LRRC28: variants seen among roughly 807,000 people sequenced by gnomAD.
LRRC28 encodes the protein leucine rich repeat containing 28.
Under a neutral mutation model 45.7 loss-of-function variants are expected in LRRC28, and 39 were observed. The observed-to-expected ratio is 0.85, with a 90% CI of 0.66 to 1.12. LRRC28 has a LOEUF of 1.12. Among genes scored for constraint, LRRC28 ranks in the 50% most tolerant of loss-of-function variants. The pLI is 0.00. For missense variants in LRRC28, 435 were observed against 438.5 expected, an observed-to-expected ratio of 0.99 and a Z score of 0.07; for synonymous variants, 206 against 178.8, an observed-to-expected ratio of 1.15 and a Z score of -1.22.
rs2152298994 is a variant in LRRC28, at chr15:99,337,715, G to A, written c.592+3586G>A. On this transcript the variant is annotated intron_variant, in intron 6 of 9. Coordinates refer to ENST00000301981, the MANE Select transcript of LRRC28 (RefSeq NM_144598.5). ...TTGAGGAGGATGCCTTATGGCAGTT[G>A]AAGTAACCACAACTCCCAAGTCGGG... The A allele has an allele frequency of 1.3e-5, 2 of 152,384 alleles. 1 individual carries two copies. Among genetic ancestry groups the A allele is most frequent in the South Asian group, 4.1e-4 (2 of 4,830 alleles). 9.4% of individuals were successfully genotyped at this position (152,384 alleles called of 1,614,324 possible).
chr15:99,362,241 GC>G (rs1423883135), intron 8 of LRRC28, among the ~76,000 whole-genome samples: 1 of 152,202 alleles, frequency 6.6e-6, no homozygotes. Flanking sequence ...TTCCAGAAAT[GC>G]CTAGTGCAAA....
chr15:99,350,636 A>G (rs1956848382), intron 6 of LRRC28, among the ~76,000 whole-genome samples: 2 of 152,176 alleles, frequency 1.3e-5, no homozygotes, highest in Non-Finnish European at 2.9e-5. Context: ...TTTCATTTGC[A>G]ATGTAAATGA....
chr15:99,367,888 G>A (rs140424424), intron 9 of LRRC28, among the ~76,000 whole-genome samples: 577 of 152,162 alleles, frequency 3.8e-3, no homozygotes, highest in African/African-American at 0.013. Context: ...CTCCCCAAAG[G>A]TCAAGGATGG....
rs1957983434 is a variant in LRRC28 at position 99,386,151 on chromosome 15, C to T, written c.*49C>T. 1.4e-6 allele frequency: 2 copies of T among 1,382,644 alleles called. No homozygotes were observed. Among genetic ancestry groups the T allele is most frequent in the Non-Finnish European group, 2.1e-6 (2 of 968,858 alleles). The allele number at this position is 1,382,644 out of a possible 1,614,324, so 85.6% of individuals were successfully genotyped here. ...CGCTGCCAGCTTGACACTGGGGAAT[C>T]CAGCCAGTCCAGCACACTCTTCCAT... On this transcript the variant is annotated 3_prime_UTR_variant, in exon 10 of 10. Coordinates refer to ENST00000301981, the MANE Select transcript of LRRC28 (RefSeq NM_144598.5).
At chr15:99,281,222 A>G (rs1397397378) in intron 3 of LRRC28, among the ~76,000 whole-genome samples, 1 of 150,986 alleles carries the variant, frequency 6.6e-6, no homozygotes, top group Non-Finnish European at 1.5e-5. Flanking sequence ...AGACATGGGG[A>G]TTTGCTGTGT....
Position 99,363,173 on chromosome 15 carries a change from G to T in LRRC28, c.939G>T (p.Gly313=). 2 of 1,614,010 alleles carry T rather than the reference G, an allele frequency of 1.2e-6. No individual in the cohort carries two copies. The highest frequency in any genetic ancestry group is 8.5e-7 in the Non-Finnish European group (1 of 1,179,882). The change falls in exon 9 of 10, where the codon GGG becomes GGT. Residue 313 remains glycine (G), a synonymous_variant. Transcript: ENST00000301981. ...SLLELLHCPL[G]HCHRCSEPMF... ...TAGAGCTGCTGCACTGCCCTCTGGG[G>T]CACTGTCATCGGTGTAGTGAGCCTA... is the stretch of plus-strand genomic sequence containing the variant.
chr15:99,257,778 C>T, intron 2 of LRRC28: 1 of 778,416 alleles, frequency 1.3e-6, no homozygotes, highest in South Asian at 1.3e-5. Flanking sequence ...TGAAGTAGTA[C>T]AGAGAGAGGA....
rs1266363093 is a variant in LRRC28, at chr15:99,389,474, A to T, written c.*3372A>T. On this transcript the variant is annotated 3_prime_UTR_variant, in exon 10 of 10. Transcript: ENST00000301981. ...GAAATTCTAATCTTTGCTATAAAGTACTTAAACACAATACATTGCCTCAGC... is the reference window on the plus strand; with the variant it reads ...GAAATTCTAATCTTTGCTATAAAGTTCTTAAACACAATACATTGCCTCAGC... 1.3e-5 allele frequency: 2 copies of T among 152,224 alleles called. No homozygotes were observed. The highest frequency in any genetic ancestry group is 2.9e-5 in the Non-Finnish European group (2 of 68,040). The allele number at this position is 152,224 out of a possible 1,614,324, so 9.4% of individuals were successfully genotyped here.
intron 6 of LRRC28, among the ~76,000 whole-genome samples, chr15:99,349,765 A>G (rs1351839641): frequency 6.6e-6 from 1 of 152,246 alleles, no homozygotes; most frequent in East Asian, 1.9e-4. Flanking sequence ...AAAAAATGAG[A>G]AAAATATTTG....
intron 6 of LRRC28, among the ~76,000 whole-genome samples, chr15:99,351,104 T>G (rs1298147838): frequency 1.3e-5 from 2 of 151,928 alleles, no homozygotes; most frequent in Non-Finnish European, 2.9e-5. Context: ...CCCCCACCCC[T>G]GCCATATTAT....
rs1597154012 is a variant in LRRC28 at position 99,260,106 on chromosome 15, C to G, written c.168+3981C>G. On this transcript the variant is annotated intron_variant, in intron 2 of 9. Coordinates refer to ENST00000301981, the MANE Select transcript of LRRC28 (RefSeq NM_144598.5). ...TTTGGCAGAGACTTGTTTTGGATGC[C>G]CCCCACCAGTCCCCTTCTCCCCTGC... 1.1e-5 allele frequency: 5 copies of G among 457,816 alleles called. No homozygotes were observed. In the East Asian group the frequency reaches 2.5e-4, roughly 23 times the overall value. The allele number at this position is 457,816 out of a possible 1,614,324, so 28.4% of individuals were successfully genotyped here.
intron 5 of LRRC28, among the ~76,000 whole-genome samples, chr15:99,325,761 C>G (rs1200116255): frequency 1.3e-5 from 2 of 152,078 alleles, no homozygotes; most frequent in Non-Finnish European, 1.5e-5. Flanking sequence ...ATCAGACCCA[C>G]TTGTGGGGAA....
intron 4 of LRRC28, 70 bp from the exon 5 acceptor site, chr15:99,287,744 A>G: frequency 6.8e-7 from 1 of 1,475,008 alleles, no homozygotes; most frequent in East Asian, 2.4e-5. Flanking sequence ...TTAACTTGGA[A>G]TACTTGCTTT....
intron 5 of LRRC28, among the ~76,000 whole-genome samples, chr15:99,320,070 G>A (rs1277648225): frequency 6.6e-6 from 1 of 152,124 alleles, no homozygotes; most frequent in East Asian, 1.9e-4. Context: ...GCTTCCTGAA[G>A]TGCTGGGATT....
chr15:99,295,230 C>T (rs1399770411), intron 5 of LRRC28, among the ~76,000 whole-genome samples: 2 of 152,120 alleles, frequency 1.3e-5, no homozygotes, highest in Admixed American at 1.3e-4. Flanking sequence ...GTTGCTGTTG[C>T]TGCTGCTGCT....
chr15:99,292,398 C>A (rs1403828317), intron 5 of LRRC28, among the ~76,000 whole-genome samples: 2 of 143,214 alleles, frequency 1.4e-5, no homozygotes, highest in African/African-American at 5.2e-5. Context: ...CGCTCTGTCG[C>A]CCAGGCCGGA....
intron 5 of LRRC28, among the ~76,000 whole-genome samples, chr15:99,331,267 G>C (rs568683423): frequency 1.3e-5 from 2 of 152,196 alleles, no homozygotes; most frequent in East Asian, 3.9e-4. Context: ...ATGGTTTGCA[G>C]ATAATGCAAT....
At chr15:99,286,540 G>A (rs1480005234) in intron 3 of LRRC28, among the ~76,000 whole-genome samples, 1 of 152,134 alleles carries the variant, frequency 6.6e-6, no homozygotes, top group Non-Finnish European at 1.5e-5. Context: ...AATTATTGTT[G>A]TGTGATCTCC....
At chr15:99,379,990 TGTG>T (rs1275330175) in intron 9 of LRRC28, among the ~76,000 whole-genome samples, 1 of 152,236 alleles carries the variant, frequency 6.6e-6, no homozygotes, top group Non-Finnish European at 1.5e-5. Flanking sequence ...ATAAGTGTGA[TGTG>T]GTGCTGAGAA....
Sources: gnomAD v4.1 joint callset for allele counts (sites outside exome capture counted in the v4.1 genomes callset) on GRCh38, gnomAD v4.1.1 for gene constraint, MANE v1.5 for transcripts, NCBI Gene and HGNC (gene_info 2026-07-23, HGNC 2026-07-21) for gene names.